FEM1C: variants seen among roughly 807,000 people sequenced by gnomAD.
The protein encoded by FEM1C is protein fem-1 homolog C.
FEM1C carries 15 observed loss-of-function variants against 37.6 expected under a neutral mutation model. The ratio of observed to expected loss-of-function variants is 0.40; its 90% CI spans 0.27 to 0.61. The LOEUF is 0.61. FEM1C is among the 20% of genes least tolerant of loss of function. The pLI is 0.42. For missense variants in FEM1C, 532 were observed against 749.7 expected (o/e 0.71, Z 3.39); for synonymous variants, 287 against 272.8 (o/e 1.05, Z -0.51).
intron 1 of FEM1C, chr5:115,544,207 G>C (rs913866469): frequency 1.0e-6 from 1 of 983,594 alleles, no homozygotes; most frequent in African/African-American, 1.7e-5. Flanking sequence ...ACGGCTCTCA[G>C]GAAATCCGCC....
chr5:115,526,049 C>T (rs1416802548), intron 2 of FEM1C, among the ~76,000 whole-genome samples: 1 of 151,368 alleles, frequency 6.6e-6, no homozygotes, highest in Admixed American at 6.6e-5. Flanking sequence ...TCTTTAGAGA[C>T]CAGGTCTTGC....
At position 115,524,576 on chromosome 5, in the gene FEM1C, T is replaced by C. The variant is rs760824099; in HGVS notation, c.1586A>G (p.Asn529Ser). Residue 529 changes from asparagine (N) to serine (S), a missense_variant, in exon 3 of 3, where the codon AAC (asparagine) becomes AGC (serine). Physicochemically the swap from Asn to Ser is conservative, Grantham distance 46 (BLOSUM62 1). Around this residue, in one of 3 missense-constraint regions of FEM1C, gnomAD observed 237 missense variants for 260.5 expected, o/e 0.91. Coordinates refer to ENST00000274457, the MANE Select transcript of FEM1C (RefSeq NM_020177.3). ...ADVNVRDSDD[N>S]SPLHIAALNN... ...AAGAGCAGCGATATGCAGGGGACTG[T>C]TGTCATCCGAGTCTCTGACGTTCAC... 15 of 1,612,906 alleles carry C rather than the reference T, an allele frequency of 9.3e-6. No homozygotes were observed. The highest frequency in any genetic ancestry group is 5.5e-5 in the South Asian group (5 of 90,932).
intron 2 of FEM1C, among the ~76,000 whole-genome samples, chr5:115,536,189 T>C (rs1045118428): frequency 3.9e-5 from 6 of 151,966 alleles, no homozygotes; most frequent in African/African-American, 4.8e-5. Flanking sequence ...AGCCATTGAA[T>C]TGTATACACT....
rs1381793951 is a variant in FEM1C, at chr5:115,543,089, A to C, written c.405T>G (p.Leu135=). The C allele has an allele frequency of 1.2e-6, 2 of 1,614,238 alleles. No homozygotes were observed. Among genetic ancestry groups the C allele is most frequent in the Admixed American group, 1.7e-5 (1 of 60,028 alleles). The change falls in exon 2 of 3, where the codon CTT becomes CTG. Residue 135 remains leucine, a synonymous_variant. Transcript: ENST00000274457. The stretch of plus-strand genomic sequence containing the variant: ...CTTCCAAATCAGCTTTGTGTTCTAC[A>C]AGGTACTTCACTATTTCCAAATGGC... ...FDGHLEIVKY[L]VEHKADLEVS... is the part of the protein sequence containing the mutation.
intron 2 of FEM1C, among the ~76,000 whole-genome samples, chr5:115,535,199 T>G (rs916802196): frequency 6.6e-6 from 1 of 151,470 alleles, no homozygotes; most frequent in Non-Finnish European, 1.5e-5. Flanking sequence ...AAGTAAGACA[T>G]TATATAAGTG....
At position 115,543,341 on chromosome 5, in the gene FEM1C, A is replaced by G; in HGVS notation, c.153T>C (p.Tyr51=). The part of the protein sequence containing the change: ...GATPLLMAAR[Y]GHLDMVEFLL... ...GGAATTCCACCATGTCAAGGTGCCC[A>G]TACCTGGCGGCCATCAAGAGTGGCG... Residue 51 remains tyrosine, a synonymous_variant, in exon 2 of 3, where the codon TAT becomes TAC. Coordinates refer to ENST00000274457, the MANE Select transcript of FEM1C (RefSeq NM_020177.3). 1.2e-6 allele frequency: 2 copies of G among 1,614,218 alleles called. No homozygotes were observed. The highest frequency in any genetic ancestry group is 1.1e-5 in the South Asian group (1 of 91,084).
chr5:115,536,783 G>A (rs2127173319), intron 2 of FEM1C, among the ~76,000 whole-genome samples: 1 of 152,014 alleles, frequency 6.6e-6, no homozygotes, highest in South Asian at 2.1e-4. Flanking sequence ...ACTGAGCAAA[G>A]AACAAACAGA....
chr5:115,527,674 C>G (rs1439358602), intron 2 of FEM1C, among the ~76,000 whole-genome samples: 1 of 146,282 alleles, frequency 6.8e-6, no homozygotes, highest in Non-Finnish European at 1.5e-5. Context: ...TGGCACTTTT[C>G]TCTATTCAGA....
At chr5:115,537,472 G>C (rs933571251) in intron 2 of FEM1C, among the ~76,000 whole-genome samples, 1 of 151,796 alleles carries the variant, frequency 6.6e-6, no homozygotes, top group Non-Finnish European at 1.5e-5. Flanking sequence ...CAATCTCCAG[G>C]GACAAAGGAC....
chr5:115,539,345 A>C (rs1233892033), intron 2 of FEM1C, among the ~76,000 whole-genome samples: 2 of 152,000 alleles, frequency 1.3e-5, no homozygotes, highest in Non-Finnish European at 2.9e-5. Context: ...ACAACCCCAA[A>C]ACACAAACAA....
intron 2 of FEM1C, among the ~76,000 whole-genome samples, chr5:115,526,834 G>A (rs756438799): frequency 2.0e-5 from 3 of 151,908 alleles, no homozygotes; most frequent in Non-Finnish European, 4.4e-5. Flanking sequence ...AAATGATAAG[G>A]GTATCTCACT....
intron 2 of FEM1C, among the ~76,000 whole-genome samples, chr5:115,528,836 A>G (rs1280398299): frequency 1.3e-5 from 2 of 152,136 alleles, no homozygotes; most frequent in East Asian, 3.9e-4. Context: ...TATGCTTAGC[A>G]TATTCGAGGA....
Position 115,525,222 on chromosome 5 carries a change from C to A in FEM1C, c.940G>T (p.Asp314Tyr), listed in dbSNP as rs775097440. The change falls in exon 3 of 3, where the codon GAT becomes TAT. Residue 314 changes from aspartate (D) to tyrosine (Y), a missense_variant. Coordinates refer to ENST00000274457, the MANE Select transcript of FEM1C (RefSeq NM_020177.3). Reference sequence around the variant, plus strand: ...GCCTGCATTCTCATCTCATCAGGATCAGCAATAAGACCTTCTAGCTCTTCT... The same window carrying A: ...GCCTGCATTCTCATCTCATCAGGATAAGCAATAAGACCTTCTAGCTCTTCT... ...SAEELEGLIADPDEMRMQALL... is the reference protein window; with the variant it reads ...SAEELEGLIAYPDEMRMQALL... 1.9e-6 allele frequency: 3 copies of A among 1,613,428 alleles called. No individual in the cohort carries two copies. The Admixed American group carries it at 5.0e-5, about 27-fold the overall frequency.
At chr5:115,533,299 G>A (rs1032630258) in intron 2 of FEM1C, among the ~76,000 whole-genome samples, 4 of 151,830 alleles carry the variant, frequency 2.6e-5, no homozygotes, top group African/African-American at 7.3e-5. Context: ...TTCAGTTTCT[G>A]AGATTAATCT....
intron 2 of FEM1C, among the ~76,000 whole-genome samples, chr5:115,535,937 T>C (rs1221655416): frequency 6.6e-6 from 1 of 152,054 alleles, no homozygotes; most frequent in Non-Finnish European, 1.5e-5. Flanking sequence ...CTTGAAAACA[T>C]TACACTAAGT....
intron 2 of FEM1C, among the ~76,000 whole-genome samples, chr5:115,534,971 TA>T (rs1754094358): frequency 6.6e-6 from 1 of 151,916 alleles, no homozygotes; most frequent in Non-Finnish European, 1.5e-5. Context: ...CATATGAACA[TA>T]AATTTAAAAG....
In FEM1C at chr5:115,524,728, C is replaced by T; in HGVS notation, c.1434G>A (p.Arg478=). The T allele has an allele frequency of 6.5e-7, 1 of 1,541,532 alleles. No homozygotes were observed. The highest frequency in any genetic ancestry group is 8.7e-7 in the Non-Finnish European group (1 of 1,148,384). ...TIYRFLKLHP[R]GKNNFSPLHL... is the part of the protein sequence containing the mutation. ...GAAGAGGGCTGAAGTTATTCTTTCC[C>T]CTTGGATGCAGCTTAAGAAACCTGT... The change falls in exon 3 of 3, where the codon AGG becomes AGA. Residue 478 remains arginine, a synonymous_variant. Coordinates refer to ENST00000274457, the MANE Select transcript of FEM1C (RefSeq NM_020177.3).
rs1258617111 is a variant in FEM1C, at chr5:115,544,728, G to C, written c.-396C>G. ...CCACCCGAGCTGCCTCCCGCCCTTAGTCGGCTCGGACTGCAGCGGCTGCAG... is the reference window on the plus strand; with the variant it reads ...CCACCCGAGCTGCCTCCCGCCCTTACTCGGCTCGGACTGCAGCGGCTGCAG... On this transcript the variant is annotated 5_prime_UTR_variant, in exon 1 of 3. Coordinates refer to ENST00000274457, the MANE Select transcript of FEM1C (RefSeq NM_020177.3). 6.5e-6 allele frequency: 1 copy of C among 153,166 alleles called. No individual in the cohort carries two copies. The highest frequency in any genetic ancestry group is 2.4e-5 in the African/African-American group (1 of 41,482). 9.5% of individuals were successfully genotyped at this position (153,166 alleles called of 1,614,324 possible).
rs1390229081 is a variant in FEM1C, at chr5:115,522,145, G to T, written c.*2163C>A. The T allele has an allele frequency of 6.6e-6, 1 of 151,514 alleles. No homozygotes were observed. The highest frequency in any genetic ancestry group is 1.5e-5 in the Non-Finnish European group (1 of 67,718). The allele number at this position is 151,514 out of a possible 1,614,324, so 9.4% of individuals were successfully genotyped here. On this transcript the variant is annotated 3_prime_UTR_variant, in exon 3 of 3. Transcript: ENST00000274457. ...CCACCCAGCCCCCAAAGAGGAGGAG[G>T]AAATACTAAATCAATTAAAAATTCA...
Sources: allele counts gnomAD v4.1 joint callset (sites outside exome capture counted in the v4.1 genomes callset), GRCh38; gene constraint gnomAD v4.1.1; regional missense constraint gnomAD v4.1.1; transcripts MANE v1.5; gene names NCBI Gene and HGNC (gene_info 2026-07-23, HGNC 2026-07-21).